Variants in KALRN observed in about 807,000 individuals in gnomAD.
The protein encoded by KALRN is kalirin RhoGEF kinase, also known as kalirin.
KALRN carries 70 observed loss-of-function variants against 353.7 expected under a neutral mutation model. The ratio of observed to expected loss-of-function variants is 0.20; its 90% CI spans 0.16 to 0.24. The LOEUF is 0.24. KALRN is among the 10% of genes least tolerant of loss of function. KALRN has a pLI of 1.00. For missense variants in KALRN, 2,791 were observed against 3,756.7 expected (o/e 0.74, Z 6.72); for synonymous variants, 1,391 against 1,434.8 (o/e 0.97, Z 0.69).
At chr3:124,441,712 G>T (rs149219989) in intron 18 of KALRN, among the ~76,000 whole-genome samples, 2 of 152,118 alleles carry the variant, frequency 1.3e-5, no homozygotes, top group East Asian at 3.9e-4. Flanking sequence ...TGTAGTCCCA[G>T]CTACTCAGGA....
intron 34 of KALRN, among the ~76,000 whole-genome samples, chr3:124,615,353 T>C (rs1002233144): frequency 3.3e-5 from 5 of 152,190 alleles, no homozygotes; most frequent in African/African-American, 1.2e-4. Flanking sequence ...TCTTTCTCTA[T>C]GAAGGACATT....
chr3:124,170,325 T>C (rs2071556927), intron 1 of KALRN, among the ~76,000 whole-genome samples: 1 of 152,334 alleles, frequency 6.6e-6, no homozygotes, highest in South Asian at 2.1e-4. Context: ...GGTATAGTAC[T>C]GGTCACTTTA....
chr3:124,493,912 T>C (rs2063437336), intron 32 of KALRN, among the ~76,000 whole-genome samples: 1 of 152,204 alleles, frequency 6.6e-6, no homozygotes, highest in Non-Finnish European at 1.5e-5. Context: ...GCCAGTTATC[T>C]ATGTCCAGAG....
intron 10 of KALRN, among the ~76,000 whole-genome samples, chr3:124,351,003 C>A (rs1356550898): frequency 6.6e-6 from 1 of 152,138 alleles, no homozygotes; most frequent in African/African-American, 2.4e-5. Flanking sequence ...TGTTAGTCCA[C>A]ATAGGAAAAC....
At chr3:124,623,423 C>CAAA (rs201509537) in intron 34 of KALRN, among the ~76,000 whole-genome samples, 1 of 149,230 alleles carries the variant, frequency 6.7e-6, no homozygotes, top group Non-Finnish European at 1.5e-5. Flanking sequence ...CACACACACA[C>CAAA]ACACAAAAGG....
chr3:124,640,134 A>G (rs2081872840), intron 37 of KALRN, among the ~76,000 whole-genome samples: 1 of 152,168 alleles, frequency 6.6e-6, no homozygotes, highest in Non-Finnish European at 1.5e-5. Context: ...GACTAAGTAC[A>G]ACTGTGTGAT....
chr3:124,043,960 A>G (rs1340618945), intron 1 of KALRN, among the ~76,000 whole-genome samples: 2 of 152,018 alleles, frequency 1.3e-5, no homozygotes, highest in South Asian at 2.1e-4. Flanking sequence ...GGAGGGGTCA[A>G]TGTCTGGCCA....
chr3:124,424,127 G>A (rs939419868), intron 15 of KALRN, among the ~76,000 whole-genome samples: 22 of 152,064 alleles, frequency 1.4e-4, no homozygotes, highest in African/African-American at 5.1e-4. Flanking sequence ...CCTGAGGAGA[G>A]AACACACCAC....
At chr3:124,156,427 C>A (rs765038036) in intron 1 of KALRN, among the ~76,000 whole-genome samples, 5 of 152,192 alleles carry the variant, frequency 3.3e-5, no homozygotes, top group Non-Finnish European at 7.3e-5. Context: ...TGGGGCCTGA[C>A]AAACTTTATT....
At chr3:124,199,820 G>A (rs1303879177) in intron 1 of KALRN, among the ~76,000 whole-genome samples, 1 of 152,144 alleles carries the variant, frequency 6.6e-6, no homozygotes, top group African/African-American at 2.4e-5. Flanking sequence ...TGAGGTGGGT[G>A]GAGTGAGGCA....
intron 2 of KALRN, among the ~76,000 whole-genome samples, chr3:124,234,156 G>A (rs1311299830): frequency 6.6e-6 from 1 of 152,178 alleles, no homozygotes; most frequent in Admixed American, 6.5e-5. Context: ...CAGTATGTAT[G>A]TATGCATTTG....
chr3:124,440,102 C>T (rs969587712), intron 18 of KALRN, among the ~76,000 whole-genome samples: 3 of 151,876 alleles, frequency 2.0e-5, no homozygotes, highest in African/African-American at 7.3e-5. Context: ...GGTATCCGCA[C>T]CTATATGGGT....
At chr3:124,056,300 C>T in intron 1 of KALRN, among the ~76,000 whole-genome samples, 1 of 152,182 alleles carries the variant, frequency 6.6e-6, no homozygotes, top group East Asian at 1.9e-4. Context: ...CAGTGGAAGT[C>T]TGTCCTTTGG....
rs145715011 is a variant in KALRN at position 124,280,377 on chromosome 3, G to C, written c.969+11122G>C. On this transcript the variant is annotated intron_variant, in intron 5 of 59. Coordinates refer to ENST00000682506, the MANE Select transcript of KALRN (RefSeq NM_001388419.1). Reference sequence around the variant, plus strand: ...CCCATCTCTGTCTCCCAGGGTCATTGGGGAACTACTCTCTTCCTTCCCCTG... The same window carrying C: ...CCCATCTCTGTCTCCCAGGGTCATTCGGGAACTACTCTCTTCCTTCCCCTG... Among the ~76,000 whole-genome samples the C allele has an allele frequency of 7.9e-4, 120 of 152,282 alleles. 1 individual carries two copies. The highest frequency in any genetic ancestry group is 3.4e-3 in the Middle Eastern group (1 of 294).
intron 8 of KALRN, among the ~76,000 whole-genome samples, chr3:124,331,792 T>C (rs1014408387): frequency 1.3e-5 from 2 of 152,210 alleles, no homozygotes; most frequent in Non-Finnish European, 2.9e-5. Flanking sequence ...TCTCAATTAA[T>C]TATCAGGCCC....
At chr3:124,350,263 C>T (rs1393031529) in intron 10 of KALRN, among the ~76,000 whole-genome samples, 1 of 152,214 alleles carries the variant, frequency 6.6e-6, no homozygotes, top group East Asian at 1.9e-4. Context: ...TCACATGGGA[C>T]AATGCCTTTC....
chr3:124,482,825 T>C lies in KALRN; in HGVS notation c.4209T>C (p.His1403=). 1 of 1,612,722 alleles carries C rather than the reference T, an allele frequency of 6.2e-7. No homozygotes were observed. Among genetic ancestry groups the C allele is most frequent in the Non-Finnish European group, 8.5e-7 (1 of 1,178,696 alleles). The part of the protein sequence containing the change: ...GTFFDEIQQR[H]GLANSISSYL... ...CCCTGCAGGAGATACAACAGCGGCA[T>C]GGTCTGGCCAACTCCATCTCTTCCT... The change falls in exon 28 of 60, where the codon CAT becomes CAC. Residue 1403 remains histidine (H), a synonymous_variant. Coordinates refer to ENST00000682506, the MANE Select transcript of KALRN (RefSeq NM_001388419.1).
chr3:124,271,606 G>A (rs1214916955), intron 5 of KALRN, among the ~76,000 whole-genome samples: 3 of 152,164 alleles, frequency 2.0e-5, no homozygotes, highest in Non-Finnish European at 4.4e-5. Context: ...GGTTAGCCAG[G>A]GCCAGTGTTT....
intron 1 of KALRN, among the ~76,000 whole-genome samples, chr3:124,098,736 C>CT (rs1578034576): frequency 6.6e-6 from 1 of 152,150 alleles, no homozygotes; most frequent in Non-Finnish European, 1.5e-5. Context: ...CCATGATCTT[C>CT]TTTTTTCTTT....
Sources: gnomAD v4.1 joint callset for allele counts (sites outside exome capture counted in the v4.1 genomes callset) on GRCh38, gnomAD v4.1.1 for gene constraint, MANE v1.5 for transcripts, NCBI Gene and HGNC (gene_info 2026-07-23, HGNC 2026-07-21) for gene names.